RBFOX3: variants seen among roughly 807,000 people sequenced by gnomAD.
RBFOX3 encodes RNA binding fox-1 homolog 3, also known as RNA binding protein fox-1 homolog 3.
RBFOX3 carries 17 observed loss-of-function variants against 48.7 expected under a neutral mutation model. That is an observed-to-expected ratio of 0.35 (90% CI 0.24 to 0.52). The LOEUF is 0.52. Ranked by LOEUF, RBFOX3 falls within the 20% of genes least tolerant of loss-of-function variation. The pLI is 0.94. For synonymous variants in RBFOX3, 212 were observed against 209.5 expected, an observed-to-expected ratio of 1.01 and a Z score of -0.10; for missense variants, 382 against 497.5, an observed-to-expected ratio of 0.77 and a Z score of 2.21.
intron 3 of RBFOX3, among the ~76,000 whole-genome samples, chr17:79,263,696 G>A (rs923621329): frequency 3.9e-5 from 6 of 152,192 alleles, no homozygotes; most frequent in African/African-American, 7.2e-5. Flanking sequence ...AGGACTCTGC[G>A]TGTTGTTGCC....
At chr17:79,620,540 C>T in the RBFOX3 span, among the ~76,000 whole-genome samples, 1 of 151,322 alleles carries the variant, frequency 6.6e-6, no homozygotes. Context: ...CGCACATGCA[C>T]ACACGCATGC....
At chr17:79,344,452 G>A (rs1251702187) in intron 2 of RBFOX3, among the ~76,000 whole-genome samples, 1 of 152,094 alleles carries the variant, frequency 6.6e-6, no homozygotes, top group Admixed American at 6.6e-5. Flanking sequence ...CCCTACCAGA[G>A]CTGCTGCCCT....
chr17:79,275,191 G>T (rs972560471), intron 3 of RBFOX3, among the ~76,000 whole-genome samples: 3 of 100,780 alleles, frequency 3.0e-5, no homozygotes, highest in Admixed American at 1.9e-4. Context: ...CTGGCCTCAT[G>T]CTCCTCCCCT....
rs987282449 is a variant in RBFOX3, at chr17:79,361,308, G to A, written c.-174-53484C>T. Among the ~76,000 whole-genome samples the A allele has an allele frequency of 6.6e-6, 1 of 152,146 alleles. No homozygotes were observed. Among genetic ancestry groups the A allele is most frequent in the East Asian group, 1.9e-4 (1 of 5,198 alleles). The stretch of plus-strand genomic sequence containing the variant: ...TTGGCGCCTTGATCCATTTGCCATC[G>A]GGGCTATCTGAGACGCTCATCGAGG... On this transcript the variant is annotated intron_variant, in intron 2 of 14. Coordinates refer to ENST00000693108, the MANE Select transcript of RBFOX3 (RefSeq NM_001350451.2). This position sits in a 1 kb window ranked among gnomAD's most constrained non-coding sequence, Gnocchi z 4.5.
chr17:79,161,011 T>G (rs1214328446), intron 4 of RBFOX3, among the ~76,000 whole-genome samples: 1 of 149,586 alleles, frequency 6.7e-6, no homozygotes, highest in East Asian at 2.0e-4. Flanking sequence ...AAAAGTCTCG[T>G]GGGCTGGGCA....
At chr17:79,267,141 A>G (rs2143358375) in intron 3 of RBFOX3, among the ~76,000 whole-genome samples, 1 of 152,162 alleles carries the variant, frequency 6.6e-6, no homozygotes, top group African/African-American at 2.4e-5. Flanking sequence ...TGAGTGGCAG[A>G]ATTGCACTGA....
intron 2 of RBFOX3, among the ~76,000 whole-genome samples, chr17:79,449,499 A>G (rs555092426): frequency 6.6e-6 from 1 of 152,266 alleles, no homozygotes; most frequent in East Asian, 1.9e-4. Context: ...ACCATTCAGA[A>G]GCCTCCAACA....
chr17:79,661,467 G>C, the RBFOX3 span, among the ~76,000 whole-genome samples: 4 of 152,112 alleles, frequency 2.6e-5, no homozygotes, highest in African/African-American at 9.7e-5. Flanking sequence ...AATCATAATT[G>C]TGTGATTTCA....
At chr17:79,507,119 C>G (rs1292110389) in intron 1 of RBFOX3, among the ~76,000 whole-genome samples, 1 of 152,060 alleles carries the variant, frequency 6.6e-6, no homozygotes, top group African/African-American at 2.4e-5. Flanking sequence ...ATGGCAGACC[C>G]CCGGGGGAGG....
intron 1 of RBFOX3, among the ~76,000 whole-genome samples, chr17:79,587,809 C>G (rs997375078): frequency 5.5e-4 from 83 of 152,256 alleles, no homozygotes; most frequent in African/African-American, 1.7e-3. Flanking sequence ...GGGAAGCAGA[C>G]GGAGCTACTT....
At chr17:79,521,331 T>C (rs899382187) in intron 1 of RBFOX3, among the ~76,000 whole-genome samples, 51 of 148,936 alleles carry the variant, frequency 3.4e-4, no homozygotes, top group African/African-American at 1.3e-3. Context: ...CACACATTCA[T>C]ACACACATTC....
intron 1 of RBFOX3, among the ~76,000 whole-genome samples, chr17:79,553,507 A>T (rs889779374): frequency 0.021 from 3,161 of 152,166 alleles, 133 homozygotes; most frequent in African/African-American, 0.072. Flanking sequence ...TTTCTTCTTT[A>T]TCTTTGCTGT....
chr17:79,388,594 C>A (rs181741505), intron 2 of RBFOX3, among the ~76,000 whole-genome samples: 3 of 152,332 alleles, frequency 2.0e-5, no homozygotes, highest in African/African-American at 4.8e-5. Flanking sequence ...GCTCTGAGCG[C>A]CCCTGCTCCA....
At chr17:79,584,861 G>C (rs1279011721) in intron 1 of RBFOX3, among the ~76,000 whole-genome samples, 1 of 152,038 alleles carries the variant, frequency 6.6e-6, no homozygotes, top group Non-Finnish European at 1.5e-5. Flanking sequence ...CACCTCCCGG[G>C]TTCACGCCAT....
the RBFOX3 span, among the ~76,000 whole-genome samples, chr17:79,660,368 C>T: frequency 6.6e-6 from 1 of 152,142 alleles, no homozygotes; most frequent in Non-Finnish European, 1.5e-5. Flanking sequence ...ACACAACCTA[C>T]AGAATGGGAG....
rs144421248 is a variant in RBFOX3, at chr17:79,140,783, G to T, written c.-33-25035C>A. ...GGAGAGACAGGTTTAACTGTGCTGG[G>T]CATGCCATCCATCCCTCACACTTCT... On this transcript the variant is annotated intron_variant, in intron 4 of 14. Coordinates refer to ENST00000693108, the MANE Select transcript of RBFOX3 (RefSeq NM_001350451.2). Among the ~76,000 whole-genome samples, 1,319 of 152,366 alleles carry T rather than the reference G, an allele frequency of 8.7e-3. 22 individuals are homozygous for T. Among genetic ancestry groups the T allele is most frequent in the African/African-American group, 0.03 (1,262 of 41,578 alleles).
At chr17:79,307,056 C>T (rs2076198141) in intron 3 of RBFOX3, among the ~76,000 whole-genome samples, 1 of 152,248 alleles carries the variant, frequency 6.6e-6, no homozygotes, top group Non-Finnish European at 1.5e-5. Context: ...AGGCTAAGGC[C>T]ATCCCTGGGG....
At chr17:79,417,812 G>A (rs556094140) in intron 2 of RBFOX3, among the ~76,000 whole-genome samples, 4 of 152,330 alleles carry the variant, frequency 2.6e-5, no homozygotes, top group Non-Finnish European at 4.4e-5. Context: ...CACACGGGGC[G>A]GCAGCCCAGT....
intron 3 of RBFOX3, among the ~76,000 whole-genome samples, chr17:79,255,289 G>T (rs1477750156): frequency 1.3e-5 from 2 of 152,004 alleles, no homozygotes. Context: ...ACTGGAGAGG[G>T]AGTCTGGGGT....
Sources: gnomAD v4.1 joint callset for allele counts (sites outside exome capture counted in the v4.1 genomes callset) on GRCh38, gnomAD v4.1.1 for gene constraint, Gnocchi (gnomAD v3.1) non-coding constraint, MANE v1.5 for transcripts, NCBI Gene and HGNC (gene_info 2026-07-23, HGNC 2026-07-21) for gene names.